The following NOS1 variants were observed in gnomAD, a reference collection of about 807,000 sequenced individuals.
NOS1 encodes the protein nitric oxide synthase 1.
In NOS1, 51 loss-of-function variants were observed where a neutral mutation model predicts 164.5. The ratio of observed to expected loss-of-function variants is 0.31; its 90% CI spans 0.25 to 0.39. The LOEUF (loss-of-function observed/expected upper bound fraction) is 0.39, where lower values mean the gene tolerates loss of function less well. NOS1 is among the 10% of genes least tolerant of loss of function. NOS1 has a pLI of 1.00. For missense variants in NOS1, 1,362 were observed against 1,885.6 expected (o/e 0.72, Z 5.14); for synonymous variants, 719 against 745.8 (o/e 0.96, Z 0.59).
rs968224734 is a variant in NOS1 at position 117,290,192 on chromosome 12, C to A, written c.981+106G>T. ...GGTATGGGTCAGGGGTGGTGCTCAA[C>A]ACCCTACAACAGAGGACAGCCCCCA... On this transcript the variant is annotated intron_variant, in intron 4 of 28. Coordinates refer to ENST00000317775, the MANE Select transcript of NOS1 (RefSeq NM_000620.5). 3.6e-6 allele frequency: 5 copies of A among 1,395,062 alleles called. No homozygotes were observed. In the African/African-American group the frequency reaches 7.1e-5, roughly 20 times the overall value. 86.4% of individuals were successfully genotyped at this position (1,395,062 alleles called of 1,614,324 possible).
At chr12:117,218,438 T>C (rs113072250) in intron 27 of NOS1, among the ~76,000 whole-genome samples, 1,532 of 152,124 alleles carry the variant, frequency 0.01, 27 homozygotes, top group African/African-American at 0.035. Flanking sequence ...TGCTGCTTGG[T>C]GGATTCTCAG....
chr12:117,359,932 A>C (rs1197138249), intron 1 of NOS1, among the ~76,000 whole-genome samples: 6 of 95,196 alleles, frequency 6.3e-5, no homozygotes, highest in South Asian at 3.4e-4. Context: ...ATATATATAT[A>C]TATCAGCAAC....
chr12:117,348,785 C>T lies in NOS1; in HGVS notation c.-421+12727G>A, dbSNP rs952602766. ...CAGTCATCTTCAAAGGTGTCAAGCC[C>T]GTGGGAGACAAGGAAAGACTGACAA... On this transcript the variant is annotated intron_variant, in intron 1 of 28. Transcript: ENST00000317775. Among the ~76,000 whole-genome samples the T allele has an allele frequency of 2.0e-5, 3 of 152,098 alleles. No homozygotes were observed. The East Asian group carries it at 5.8e-4, about 29-fold the overall frequency.
At chr12:117,231,157 A>G (rs75584525) in intron 22 of NOS1, among the ~76,000 whole-genome samples, 1,608 of 152,162 alleles carry the variant, frequency 0.011, 22 homozygotes, top group Non-Finnish European at 0.018. Context: ...TAAAGAAAAA[A>G]ACTACAAAAA....
intron 1 of NOS1, among the ~76,000 whole-genome samples, chr12:117,343,422 C>T (rs1876209099): frequency 6.6e-6 from 1 of 152,142 alleles, no homozygotes; most frequent in Non-Finnish European, 1.5e-5. Context: ...AACGTCATTT[C>T]CATAATTCTG....
intron 4 of NOS1, among the ~76,000 whole-genome samples, chr12:117,289,990 A>G (rs1415638513): frequency 2.0e-5 from 3 of 152,082 alleles, no homozygotes; most frequent in African/African-American, 7.2e-5. Flanking sequence ...GTGTTTTACT[A>G]TCTGCTTTTT....
chr12:117,305,648 G>A (rs974618020), intron 3 of NOS1, among the ~76,000 whole-genome samples: 1 of 152,082 alleles, frequency 6.6e-6, no homozygotes, highest in African/African-American at 2.4e-5. Context: ...GGCGGTAATA[G>A]GGCTGTTTCC....
At chr12:117,327,144 A>G (rs1875291295) in intron 2 of NOS1, among the ~76,000 whole-genome samples, 1 of 152,190 alleles carries the variant, frequency 6.6e-6, no homozygotes, top group East Asian at 1.9e-4. Context: ...TGGATATTAG[A>G]TACGGCTGGG....
chr12:117,234,794 C>T lies in NOS1; in HGVS notation c.3042-36G>A, dbSNP rs773914354. The T allele has an allele frequency of 6.4e-7, 1 of 1,550,572 alleles. No individual in the cohort carries two copies. Among genetic ancestry groups the T allele is most frequent in the Non-Finnish European group, 8.8e-7 (1 of 1,138,452 alleles). The stretch of plus-strand genomic sequence containing the variant: ...TTGCAGAGGAATCATAGGACAAGGG[C>T]CAGCAGCTACTTCCTCCTTTTTTTG... On this transcript the variant is annotated intron_variant, in intron 20 of 28. Transcript: ENST00000317775. The surrounding 1 kb of genome is among the most constrained non-coding windows in gnomAD (Gnocchi z 4.3).
chr12:117,291,743 C>T (rs1873081419), intron 3 of NOS1, among the ~76,000 whole-genome samples: 1 of 151,754 alleles, frequency 6.6e-6, no homozygotes, highest in South Asian at 2.1e-4. Flanking sequence ...ACTATGTTGC[C>T]CAGGTTGGTC....
At chr12:117,317,971 A>C (rs1278422483) in intron 2 of NOS1, among the ~76,000 whole-genome samples, 1 of 152,240 alleles carries the variant, frequency 6.6e-6, no homozygotes, top group Non-Finnish European at 1.5e-5. Context: ...CAGGAGTTCC[A>C]GACCAGGCTG....
chr12:117,294,444 G>A (rs1057330672), intron 3 of NOS1, among the ~76,000 whole-genome samples: 5 of 152,274 alleles, frequency 3.3e-5, no homozygotes, highest in South Asian at 2.1e-4. Flanking sequence ...GCCCGAGTGC[G>A]AGCCGTGCCA....
At chr12:117,235,796 A>G (rs1869659485) in intron 20 of NOS1, among the ~76,000 whole-genome samples, 2 of 152,128 alleles carry the variant, frequency 1.3e-5, no homozygotes, top group South Asian at 2.1e-4. Flanking sequence ...TAATCCCAGC[A>G]CTTTGGGAGG....
chr12:117,221,214 A>G (rs1956700149), intron 26 of NOS1, among the ~76,000 whole-genome samples: 2 of 151,712 alleles, frequency 1.3e-5, no homozygotes, highest in Non-Finnish European at 2.9e-5. Flanking sequence ...GTGCAGTGGC[A>G]TGATCTCAGC....
chr12:117,335,065 A>G (rs529168219), intron 1 of NOS1, among the ~76,000 whole-genome samples: 96 of 152,376 alleles, frequency 6.3e-4, no homozygotes, highest in Admixed American at 1.0e-3. Context: ...GTTAAATGAA[A>G]CAGTAAATGC....
Position 117,243,193 on chromosome 12 carries a change from T to A in NOS1, c.2962+104A>T, listed in dbSNP as rs758561790. On this transcript the variant is annotated intron_variant, in intron 19 of 28. Transcript: ENST00000317775. This position sits in a 1 kb window ranked among gnomAD's most constrained non-coding sequence, Gnocchi z 4.3. ...TTGGTAGGACTGCACTAAAGGGAGA[T>A]CAAAGCAATGAAGCCCATCTTCTCT... 35 of 1,412,892 alleles carry A rather than the reference T, an allele frequency of 2.5e-5. No homozygotes were observed. In the South Asian group the frequency reaches 4.4e-4, roughly 18 times the overall value. The allele number at this position is 1,412,892 out of a possible 1,614,324, so 87.5% of individuals were successfully genotyped here. A position where few individuals can be genotyped will look rare whatever the true frequency, so the allele number is the denominator to read the frequency against.
In NOS1 at chr12:117,243,233, G is replaced by A; in HGVS notation, c.2962+64C>T. 1 of 1,593,992 alleles carries A rather than the reference G, an allele frequency of 6.3e-7. No homozygotes were observed. The highest frequency in any genetic ancestry group is 8.6e-7 in the Non-Finnish European group (1 of 1,169,266). On this transcript the variant is annotated intron_variant, in intron 19 of 28. Transcript: ENST00000317775. This position sits in a 1 kb window ranked among gnomAD's most constrained non-coding sequence, Gnocchi z 4.3. ...CCATCTTCTCTAAGCACCTTCTGGA[G>A]GTGAGATCACCTGCCTTTCCCCCAT...
At chr12:117,231,232 C>CT (rs1238765653) in intron 22 of NOS1, among the ~76,000 whole-genome samples, 1 of 151,558 alleles carries the variant, frequency 6.6e-6, no homozygotes, top group Non-Finnish European at 1.5e-5. Context: ...CACGAGAATC[C>CT]TTTGAGCCCG....
intron 3 of NOS1, among the ~76,000 whole-genome samples, chr12:117,307,504 G>A (rs1874212596): frequency 6.6e-6 from 1 of 152,090 alleles, no homozygotes; most frequent in Non-Finnish European, 1.5e-5. Context: ...GGGACTACAG[G>A]TGCACGCCAC....
Sources: allele counts gnomAD v4.1 joint callset (sites outside exome capture counted in the v4.1 genomes callset), GRCh38; gene constraint gnomAD v4.1.1; non-coding constraint Gnocchi (gnomAD v3.1); transcripts MANE v1.5; gene names NCBI Gene and HGNC (gene_info 2026-07-23, HGNC 2026-07-21).